PPP1R9A: variants seen among roughly 807,000 people sequenced by gnomAD.
PPP1R9A encodes neurabin-1.
A neutral mutation model predicts 141.9 loss-of-function variants in PPP1R9A; 59 were observed. The observed-to-expected ratio is 0.42, with a 90% CI of 0.34 to 0.52. The LOEUF (loss-of-function observed/expected upper bound fraction) is 0.52, where lower values mean the gene tolerates loss of function less well. Among genes scored for constraint, PPP1R9A ranks in the 20% least tolerant of loss-of-function variants. PPP1R9A has a pLI of 0.10. For synonymous variants in PPP1R9A, 500 were observed against 569.7 expected (o/e 0.88, Z 1.74); for missense variants, 1,444 against 1,611.9 (o/e 0.90, Z 1.78).
intron 3 of PPP1R9A, among the ~76,000 whole-genome samples, chr7:95,119,516 A>C (rs1254681914): frequency 6.6e-6 from 1 of 152,144 alleles, no homozygotes; most frequent in African/African-American, 2.4e-5. Context: ...GCACTGTGGC[A>C]TGATCTCAGC....
chr7:94,973,583 C>T (rs1210739244), intron 2 of PPP1R9A, among the ~76,000 whole-genome samples: 3 of 152,098 alleles, frequency 2.0e-5, no homozygotes, highest in Non-Finnish European at 2.9e-5. Context: ...GTAGATAATT[C>T]ATAGGGGACA....
At chr7:95,255,440 A>G (rs1736599211) in intron 12 of PPP1R9A, among the ~76,000 whole-genome samples, 1 of 152,164 alleles carries the variant, frequency 6.6e-6, no homozygotes, top group South Asian at 2.1e-4. Flanking sequence ...CTATGAAGGC[A>G]TATTTCTGAC....
At chr7:95,120,061 A>G (rs1488624410) in intron 3 of PPP1R9A, among the ~76,000 whole-genome samples, 1 of 146,202 alleles carries the variant, frequency 6.8e-6, no homozygotes, top group Non-Finnish European at 1.5e-5. Flanking sequence ...GGTTCAAACG[A>G]TTCTCCTGCC....
intron 4 of PPP1R9A, among the ~76,000 whole-genome samples, chr7:95,121,235 C>G (rs1822508342): frequency 6.6e-6 from 1 of 152,120 alleles, no homozygotes; most frequent in African/African-American, 2.4e-5. Context: ...GTTAGGAACT[C>G]TAATTCTGTA....
At chr7:95,287,869 G>A (rs1805640869) in intron 18 of PPP1R9A, among the ~76,000 whole-genome samples, 2 of 152,084 alleles carry the variant, frequency 1.3e-5, no homozygotes, top group Admixed American at 1.3e-4. Flanking sequence ...TGTATTTTTA[G>A]TAGAGAGGGG....
intron 5 of PPP1R9A, among the ~76,000 whole-genome samples, chr7:95,167,636 T>G (rs571562173): frequency 2.0e-5 from 3 of 152,268 alleles, no homozygotes; most frequent in Non-Finnish European, 4.4e-5. Flanking sequence ...TGTGATCTTA[T>G]AGCTAGAAAA....
chr7:95,169,263 T>C (rs1210033488), intron 5 of PPP1R9A, among the ~76,000 whole-genome samples: 3 of 151,970 alleles, frequency 2.0e-5, no homozygotes, highest in Non-Finnish European at 2.9e-5. Flanking sequence ...GAGGTCATTA[T>C]GTTAACTGAA....
intron 2 of PPP1R9A, among the ~76,000 whole-genome samples, chr7:95,002,950 G>A (rs1167888522): frequency 6.6e-6 from 1 of 152,182 alleles, no homozygotes; most frequent in Non-Finnish European, 1.5e-5. Context: ...CCCAGAGGAT[G>A]TGAGTATGGG....
rs140995715 is a variant in PPP1R9A, at chr7:95,242,846, A to G, written c.2113-4627A>G. 1.5e-3 allele frequency among the ~76,000 whole-genome samples: 226 copies of G among 152,192 alleles called. 1 individual carries two copies. Among genetic ancestry groups the G allele is most frequent in the African/African-American group, 5.4e-3 (223 of 41,528 alleles). ...TTTTCTCCAAACCTAGCTTCTCTGAAGCCCAAAAACTCCAACAGGCATCTC... is the reference window on the plus strand; with the variant it reads ...TTTTCTCCAAACCTAGCTTCTCTGAGGCCCAAAAACTCCAACAGGCATCTC... On this transcript the variant is annotated intron_variant, in intron 8 of 19. Transcript: ENST00000433360.
chr7:95,096,389 G>A (rs1305873921), intron 2 of PPP1R9A, among the ~76,000 whole-genome samples: 1 of 152,084 alleles, frequency 6.6e-6, no homozygotes, highest in African/African-American at 2.4e-5. Context: ...TGCAAGGACA[G>A]TGCAATCATA....
chr7:95,161,895 G>T lies in PPP1R9A; in HGVS notation c.1678G>T (p.Val560Leu). 6.2e-7 allele frequency: 1 copy of T among 1,610,430 alleles called. No homozygotes were observed. Residue 560 changes from valine to leucine, a missense_variant, in exon 5 of 20, where the codon GTG becomes TTG. Val to Leu is a conservative substitution (Grantham distance 32). This residue lies in a region of PPP1R9A where 488 missense variants were observed against 542.0 expected (regional missense o/e 0.90). Transcript: ENST00000433360. ...ACAAGTCAATGACCAGATTGTGGAAGTGGATGGAATCAGCTTGGTGGGTGT... is the reference window on the plus strand; with the variant it reads ...ACAAGTCAATGACCAGATTGTGGAATTGGATGGAATCAGCTTGGTGGGTGT... ...RIQVNDQIVE[V>L]DGISLVGVTQ...
intron 4 of PPP1R9A, 115 bp from the exon 5 acceptor site, chr7:95,161,752 T>C: frequency 1.5e-6 from 1 of 660,610 alleles, no homozygotes. Flanking sequence ...AGATTTTGGA[T>C]CAAAAAGAGT....
chr7:95,280,913 A>G (rs1355296736), intron 16 of PPP1R9A, among the ~76,000 whole-genome samples: 3 of 152,180 alleles, frequency 2.0e-5, no homozygotes, highest in Non-Finnish European at 4.4e-5. Context: ...CACAAAGTGA[A>G]ATAGACTATA....
chr7:95,215,195 C>T (rs1298093336), intron 7 of PPP1R9A, among the ~76,000 whole-genome samples: 2 of 143,980 alleles, frequency 1.4e-5, no homozygotes, highest in Non-Finnish European at 3.0e-5. Flanking sequence ...TGTTCAATTC[C>T]CACCTATGAA....
intron 2 of PPP1R9A, among the ~76,000 whole-genome samples, chr7:95,040,270 A>T (rs900168036): frequency 1.3e-5 from 2 of 152,058 alleles, no homozygotes; most frequent in African/African-American, 4.8e-5. Flanking sequence ...AAAAAAGTGT[A>T]TAAGTAAAAA....
intron 2 of PPP1R9A, among the ~76,000 whole-genome samples, chr7:95,075,054 G>A (rs1365515163): frequency 6.6e-6 from 1 of 151,738 alleles, no homozygotes; most frequent in Non-Finnish European, 1.5e-5. Context: ...TTTTCATATT[G>A]CTTTTGAAAG....
In PPP1R9A at chr7:95,273,826, G is replaced by A. The variant is rs973241763; in HGVS notation, c.3125-73G>A. 2.3e-6 allele frequency: 3 copies of A among 1,303,038 alleles called. No homozygotes were observed. The African/African-American group carries it at 4.5e-5, about 19-fold the overall frequency. The allele number at this position is 1,303,038 out of a possible 1,614,324, so 80.7% of individuals were successfully genotyped here. ...TTTAGGCAAAGCCCTTAGATTCAGA[G>A]ATGCATTGACTTTTGAATTGTGACT... is the stretch of plus-strand genomic sequence containing the variant. On this transcript the variant is annotated intron_variant, in intron 14 of 19. Transcript: ENST00000433360.
rs772496489 is a variant in PPP1R9A, at chr7:95,001,291, TACAA to T, written c.1395+89796_1395+89799del. On this transcript the variant is annotated intron_variant, in intron 2 of 19. Transcript: ENST00000433360. Reference sequence around the variant, plus strand: ...CAGTTGAGCTATTGAAAGTAAAACATACAAACAAACAAACAACAATAGCAAAAAA... The same window carrying T: ...CAGTTGAGCTATTGAAAGTAAAACATACAAACAAACAACAATAGCAAAAAA... 1.2e-3 allele frequency among the ~76,000 whole-genome samples: 189 copies of T among 152,284 alleles called. 2 individuals are homozygous for T. The highest frequency in any genetic ancestry group is 1.3e-3 in the Non-Finnish European group (90 of 67,998).
At position 95,091,904 on chromosome 7, in the gene PPP1R9A, G is replaced by A. The variant is rs149545450; in HGVS notation, c.1396-19355G>A. ...TTTTTAATTCATGGACTTGTATTTC[G>A]TTGTCACTTATGTATTTCCTGTGTG... On this transcript the variant is annotated intron_variant, in intron 2 of 19. Transcript: ENST00000433360. Among the ~76,000 whole-genome samples, 508 of 148,640 alleles carry A rather than the reference G, an allele frequency of 3.4e-3. 9 individuals carry two copies. Among genetic ancestry groups the A allele is most frequent in the Non-Finnish European group, 1.8e-3 (123 of 67,776 alleles).
Sources: allele counts gnomAD v4.1 joint callset (sites outside exome capture counted in the v4.1 genomes callset), GRCh38; gene constraint gnomAD v4.1.1; regional missense constraint gnomAD v4.1.1; transcripts MANE v1.5; gene names NCBI Gene and HGNC (gene_info 2026-07-23, HGNC 2026-07-21).